Variants in GPC5 observed in about 807,000 individuals in gnomAD.
GPC5 encodes the protein glypican-5.
Under a neutral mutation model 53.9 loss-of-function variants are expected in GPC5, and 47 were observed. That is an observed-to-expected ratio of 0.87 (90% CI 0.69 to 1.11). GPC5 has a LOEUF of 1.11. Among genes scored for constraint, GPC5 ranks in the 50% most tolerant of loss-of-function variants. The probability of loss-of-function intolerance (pLI) is 0.00; values close to 1 mark genes in which losing one functional copy is unlikely to be tolerated. For synonymous variants in GPC5, 286 were observed against 263.3 expected (o/e 1.09, Z -0.84); for missense variants, 748 against 713.1 (o/e 1.05, Z -0.56).
At chr13:91,711,136 C>T (rs1260888931) in intron 3 of GPC5, among the ~76,000 whole-genome samples, 1 of 152,146 alleles carries the variant, frequency 6.6e-6, no homozygotes. Context: ...AATCATGCTA[C>T]TATAAAGACA....
chr13:91,729,305 T>C (rs368113277), intron 4 of GPC5, among the ~76,000 whole-genome samples: 1 of 152,148 alleles, frequency 6.6e-6, no homozygotes, highest in Non-Finnish European at 1.5e-5. Flanking sequence ...GTTCCTTTGC[T>C]TGATAATGGA....
intron 7 of GPC5, among the ~76,000 whole-genome samples, chr13:92,362,359 C>T (rs1307275177): frequency 4.0e-5 from 6 of 151,708 alleles, no homozygotes; most frequent in Non-Finnish European, 8.8e-5. Context: ...TTTATGGAAA[C>T]ATTATAAGTG....
intron 7 of GPC5, among the ~76,000 whole-genome samples, chr13:92,642,233 A>C (rs1885619077): frequency 6.6e-6 from 1 of 152,194 alleles, no homozygotes; most frequent in African/African-American, 2.4e-5. Flanking sequence ...TGAAGTAAAA[A>C]AAACTAGTGA....
At chr13:92,578,216 C>T (rs1161752306) in intron 7 of GPC5, among the ~76,000 whole-genome samples, 2 of 152,110 alleles carry the variant, frequency 1.3e-5, no homozygotes, top group Non-Finnish European at 2.9e-5. Context: ...ATGGCTCAAT[C>T]GAAACCCTTT....
At chr13:91,803,815 G>A (rs2038176028) in intron 5 of GPC5, among the ~76,000 whole-genome samples, 1 of 148,568 alleles carries the variant, frequency 6.7e-6, no homozygotes, top group Admixed American at 6.7e-5. Context: ...CAGAGGAAAA[G>A]AGATGAGATA....
At position 92,086,621 on chromosome 13, in the gene GPC5, C is replaced by G. The variant is rs188004756; in HGVS notation, c.1402-58209C>G. On this transcript the variant is annotated intron_variant, in intron 6 of 7. Coordinates refer to ENST00000377067, the MANE Select transcript of GPC5 (RefSeq NM_004466.6). ...GAACACTTTTTTCTTCCACTTTTGC[C>G]TCACTTATTTACCAAACCTGTCTCT... Among the ~76,000 whole-genome samples, 827 of 151,922 alleles carry G rather than the reference C, an allele frequency of 5.4e-3. 4 individuals are homozygous for G. The highest frequency in any genetic ancestry group is 0.013 in the South Asian group (61 of 4,798).
chr13:91,971,041 G>A (rs2040236999), intron 6 of GPC5, among the ~76,000 whole-genome samples: 2 of 152,202 alleles, frequency 1.3e-5, no homozygotes, highest in South Asian at 2.1e-4. Flanking sequence ...AGAAGGAATG[G>A]TACCAGCTCC....
intron 7 of GPC5, among the ~76,000 whole-genome samples, chr13:92,312,420 A>T (rs893881937): frequency 2.0e-5 from 3 of 152,332 alleles, no homozygotes; most frequent in African/African-American, 7.2e-5. Context: ...TTCTGAAAAG[A>T]TAAACTCATA....
At position 91,932,084 on chromosome 13, in the gene GPC5, T is replaced by G. The variant is rs564050215; in HGVS notation, c.1401+24027T>G. Among the ~76,000 whole-genome samples the G allele has an allele frequency of 3.7e-4, 57 of 152,176 alleles. 1 individual carries two copies. Among genetic ancestry groups the G allele is most frequent in the African/African-American group, 1.3e-3 (53 of 41,556 alleles). ...CTGATCTAAAGGGATGATTTCCTCATGCTTCAGATAATTCTTTATGGAATA... is the reference window on the plus strand; with the variant it reads ...CTGATCTAAAGGGATGATTTCCTCAGGCTTCAGATAATTCTTTATGGAATA... On this transcript the variant is annotated intron_variant, in intron 6 of 7. Transcript: ENST00000377067.
At chr13:91,725,348 A>G (rs992867255) in intron 3 of GPC5, among the ~76,000 whole-genome samples, 2 of 152,172 alleles carry the variant, frequency 1.3e-5, no homozygotes, top group African/African-American at 4.8e-5. Flanking sequence ...GAGACGAAAA[A>G]TTGTCAACGT....
intron 2 of GPC5, among the ~76,000 whole-genome samples, chr13:91,473,579 T>C (rs1007754996): frequency 6.6e-6 from 1 of 152,200 alleles, no homozygotes; most frequent in Admixed American, 6.5e-5. Flanking sequence ...GACACAGTCA[T>C]ATACCTTACT....
intron 6 of GPC5, among the ~76,000 whole-genome samples, chr13:92,142,748 C>T (rs1022149787): frequency 6.6e-6 from 1 of 152,084 alleles, no homozygotes; most frequent in African/African-American, 2.4e-5. Context: ...CATCTGTGTT[C>T]TTGCCACGAT....
Position 92,562,531 on chromosome 13 carries a change from A to G in GPC5, c.1562-303751A>G, listed in dbSNP as rs531135941. Among the ~76,000 whole-genome samples, 8 of 152,194 alleles carry G rather than the reference A, an allele frequency of 5.3e-5. No individual in the cohort carries two copies. In the South Asian group the frequency reaches 1.7e-3, roughly 32 times the overall value. ...TTCCTGGTTTCTTAATATCTCTTCA[A>G]ACTCTGAAATACTCTGTCTGTTAAT... is the stretch of plus-strand genomic sequence containing the variant. On this transcript the variant is annotated intron_variant, in intron 7 of 7. Coordinates refer to ENST00000377067, the MANE Select transcript of GPC5 (RefSeq NM_004466.6).
chr13:92,118,157 T>G (rs1319488923), intron 6 of GPC5, among the ~76,000 whole-genome samples: 1 of 152,052 alleles, frequency 6.6e-6, no homozygotes, highest in Non-Finnish European at 1.5e-5. Flanking sequence ...TTGCTGAGAG[T>G]TTTTATAAAG....
At chr13:91,829,336 A>G (rs1206254828) in intron 5 of GPC5, among the ~76,000 whole-genome samples, 1 of 152,136 alleles carries the variant, frequency 6.6e-6, no homozygotes, top group Non-Finnish European at 1.5e-5. Flanking sequence ...CTAAAGCAAT[A>G]TGACAGTATG....
chr13:91,450,233 A>C (rs17668277), intron 2 of GPC5, among the ~76,000 whole-genome samples: 1 of 152,162 alleles, frequency 6.6e-6, no homozygotes, highest in African/African-American at 2.4e-5. Context: ...GGATTTATTC[A>C]TGTGAAATTG....
chr13:92,313,733 A>G (rs9589499), intron 7 of GPC5, among the ~76,000 whole-genome samples: 2,287 of 152,248 alleles, frequency 0.015, 59 homozygotes, highest in African/African-American at 0.052. Flanking sequence ...AGAGTCAAGG[A>G]CTACTCCTCC....
intron 7 of GPC5, among the ~76,000 whole-genome samples, chr13:92,250,056 A>G (rs554637168): frequency 1.3e-5 from 2 of 152,248 alleles, no homozygotes; most frequent in East Asian, 3.9e-4. Flanking sequence ...ATTTTTATGG[A>G]TACATTCTAT....
intron 2 of GPC5, among the ~76,000 whole-genome samples, chr13:91,545,915 T>A (rs1417536456): frequency 6.6e-6 from 1 of 152,132 alleles, no homozygotes; most frequent in African/African-American, 2.4e-5. Flanking sequence ...ATATACTTGG[T>A]TAGTATATTT....
Sources: allele counts gnomAD v4.1 joint callset (sites outside exome capture counted in the v4.1 genomes callset), GRCh38; gene constraint gnomAD v4.1.1; transcripts MANE v1.5; gene names NCBI Gene and HGNC (gene_info 2026-07-23, HGNC 2026-07-21).